Variants in PDIA3 observed in about 807,000 individuals in gnomAD.
PDIA3 encodes the protein protein disulfide isomerase family A member 3, also known as protein disulfide-isomerase A3.
A neutral mutation model predicts 56.9 loss-of-function variants in PDIA3; 16 were observed. The ratio of observed to expected loss-of-function variants is 0.28; its 90% CI spans 0.19 to 0.43. PDIA3 has a LOEUF of 0.43. PDIA3 is among the 20% of genes least tolerant of loss of function. PDIA3 has a pLI of 1.00. For synonymous variants in PDIA3, 192 were observed against 216.5 expected (o/e 0.89, Z 0.99); for missense variants, 485 against 621.3 (o/e 0.78, Z 2.33).
intron 1 of PDIA3, among the ~76,000 whole-genome samples, chr15:43,750,503 C>T (rs937857786): frequency 1.3e-5 from 2 of 151,460 alleles, no homozygotes; most frequent in African/African-American, 2.4e-5. Context: ...TGGCCGGGCA[C>T]GGTGGCTCAC....
chr15:43,765,892 G>T lies in PDIA3; in HGVS notation c.725G>T (p.Gly242Val), dbSNP rs2086844763. 6.2e-7 allele frequency: 1 copy of T among 1,607,326 alleles called. No individual in the cohort carries two copies. Among genetic ancestry groups the T allele is most frequent in the Non-Finnish European group, 8.5e-7 (1 of 1,178,222 alleles). ...IKKFIQENIFGICPHMTEDNK... is the reference protein window; with the variant it reads ...IKKFIQENIFVICPHMTEDNK... ...AATGGATTATTTCATTTCAGTTTTGGTATCTGCCCTCACATGACAGAAGAC... is the reference window on the plus strand; with the variant it reads ...AATGGATTATTTCATTTCAGTTTTGTTATCTGCCCTCACATGACAGAAGAC... The change falls in exon 7 of 13, where the codon GGT (glycine) becomes GTT (valine). Residue 242 changes from glycine to valine, a missense_variant. Physicochemically the swap from Gly to Val is moderately radical, Grantham distance 109. Coordinates refer to ENST00000300289, the MANE Select transcript of PDIA3 (RefSeq NM_005313.5).
At chr15:43,763,367 C>T (rs2086829244) in intron 5 of PDIA3, among the ~76,000 whole-genome samples, 161 bp downstream of exon 5, 1 of 152,190 alleles carries the variant, frequency 6.6e-6, no homozygotes, top group African/African-American at 2.4e-5. Flanking sequence ...ATTCTCGCGC[C>T]TCAACCTCCT....
intron 8 of PDIA3, among the ~76,000 whole-genome samples, chr15:43,767,808 T>G (rs2086857542): frequency 6.8e-6 from 1 of 147,878 alleles, no homozygotes; most frequent in African/African-American, 2.5e-5. Context: ...ATAGATAAGA[T>G]TGGACAGCCT....
chr15:43,760,735 G>A (rs1310705844), intron 3 of PDIA3, among the ~76,000 whole-genome samples: 1 of 151,098 alleles, frequency 6.6e-6, no homozygotes, highest in Non-Finnish European at 1.5e-5. Flanking sequence ...GTTTCACCGT[G>A]TTAGCCAGGA....
Position 43,773,074 on chromosome 15 carries a change from T to A in PDIA3, c.*1856T>A. On this transcript the variant is annotated 3_prime_UTR_variant, in exon 13 of 13. Transcript: ENST00000300289. ...TTAGTTTATAGCTGCTTTGTTCCTT[T>A]GTGTTTCACTAAGCAGAGGCTCAAA... The A allele has an allele frequency of 1.3e-6, 2 of 1,519,750 alleles. No homozygotes were observed. Among genetic ancestry groups the A allele is most frequent in the South Asian group, 1.2e-5 (1 of 80,586 alleles). The allele number at this position is 1,519,750 out of a possible 1,614,324, so 94.1% of individuals were successfully genotyped here.
At chr15:43,768,662 C>A in intron 9 of PDIA3, 65 bp downstream of exon 9, 2 of 1,069,180 alleles carry the variant, frequency 1.9e-6, no homozygotes, top group Non-Finnish European at 1.4e-6. Flanking sequence ...TGTTCCAAAA[C>A]TGTGGGGTCT....
At chr15:43,758,336 G>C (rs1238823102) in intron 3 of PDIA3, among the ~76,000 whole-genome samples, 1 of 152,032 alleles carries the variant, frequency 6.6e-6, no homozygotes, top group Non-Finnish European at 1.5e-5. Context: ...CAACCACTAT[G>C]GAAAACACAG....
intron 12 of PDIA3, 138 bp from the exon 13 acceptor site, chr15:43,770,966 TA>T: frequency 1.6e-6 from 1 of 642,138 alleles, no homozygotes; most frequent in South Asian, 2.0e-5. Flanking sequence ...TTTATTTAAC[TA>T]AAATCTCTTT....
intron 4 of PDIA3, 110 bp downstream of exon 4, chr15:43,761,641 T>C (rs979890137): frequency 1.6e-6 from 1 of 612,316 alleles, no homozygotes; most frequent in Non-Finnish European, 3.0e-6. Context: ...CTTGGGGCAG[T>C]TGAGAAGGCA....
intron 5 of PDIA3, 29 bp downstream of exon 5, chr15:43,763,235 A>G (rs1567158257): frequency 6.2e-7 from 1 of 1,609,670 alleles, no homozygotes; most frequent in Admixed American, 1.7e-5. Context: ...TCTCCTGACC[A>G]AGTATTATTG....
intron 9 of PDIA3, 88 bp downstream of exon 9, chr15:43,768,685 C>A: frequency 1.2e-6 from 1 of 819,894 alleles, no homozygotes; most frequent in Admixed American, 2.3e-5. Context: ...ATGAAGACTT[C>A]GTTGGCCATC....
In PDIA3 at chr15:43,746,452, A is replaced by T; in HGVS notation, c.-88A>T. 2 of 1,289,158 alleles carry T rather than the reference A, an allele frequency of 1.6e-6. No individual in the cohort carries two copies. The highest frequency in any genetic ancestry group is 1.6e-5 in the South Asian group (1 of 61,680). The allele number at this position is 1,289,158 out of a possible 1,614,324, so 79.9% of individuals were successfully genotyped here. A position where few individuals can be genotyped will look rare whatever the true frequency, so the allele number is the denominator to read the frequency against. ...CCGCCTGGGCCAGACGCGCGAGCGC[A>T]AGCAGCGGGTTAGTGGTCGCGCGCC... is the stretch of plus-strand genomic sequence containing the variant. On this transcript the variant is annotated 5_prime_UTR_variant, in exon 1 of 13. Transcript: ENST00000300289.
At chr15:43,762,440 G>A (rs1400490767) in intron 4 of PDIA3, among the ~76,000 whole-genome samples, 1 of 151,840 alleles carries the variant, frequency 6.6e-6, no homozygotes, top group Admixed American at 6.6e-5. Flanking sequence ...GAACCCGGGA[G>A]GCGGAGGTTG....
In PDIA3 at chr15:43,746,448, G is replaced by C; in HGVS notation, c.-92G>C. 9 of 1,266,474 alleles carry C rather than the reference G, an allele frequency of 7.1e-6. No homozygotes were observed. The highest frequency in any genetic ancestry group is 9.4e-6 in the Non-Finnish European group (9 of 961,808). 78.5% of individuals were successfully genotyped at this position (1,266,474 alleles called of 1,614,324 possible). On this transcript the variant is annotated 5_prime_UTR_variant, in exon 1 of 13. Coordinates refer to ENST00000300289, the MANE Select transcript of PDIA3 (RefSeq NM_005313.5). ...AGGTCCGCCTGGGCCAGACGCGCGA[G>C]CGCAAGCAGCGGGTTAGTGGTCGCG...
chr15:43,771,852 A>C lies in PDIA3; in HGVS notation c.*634A>C. The C allele has an allele frequency of 2.6e-6, 1 of 379,158 alleles. No individual in the cohort carries two copies. The highest frequency in any genetic ancestry group is 4.7e-6 in the Non-Finnish European group (1 of 214,206). The allele number at this position is 379,158 out of a possible 1,614,324, so 23.5% of individuals were successfully genotyped here. On this transcript the variant is annotated 3_prime_UTR_variant, in exon 13 of 13. Transcript: ENST00000300289. Reference sequence around the variant, plus strand: ...ATTTCCCAGGCCTACCCTGGTGATTAGAACAGCTGAAGGGCCTTTCTTGTT... The same window carrying C: ...ATTTCCCAGGCCTACCCTGGTGATTCGAACAGCTGAAGGGCCTTTCTTGTT...
At chr15:43,749,981 C>T (rs2086733090) in intron 1 of PDIA3, among the ~76,000 whole-genome samples, 1 of 150,612 alleles carries the variant, frequency 6.6e-6, no homozygotes, top group Non-Finnish European at 1.5e-5. Context: ...TTTTTTTAAC[C>T]TTATTCTCGT....
chr15:43,748,527 A>T (rs534661947), intron 1 of PDIA3, among the ~76,000 whole-genome samples: 1 of 152,004 alleles, frequency 6.6e-6, no homozygotes, highest in East Asian at 1.9e-4. Context: ...GGTGTTTCCT[A>T]CTTTAAATTG....
intron 8 of PDIA3, among the ~76,000 whole-genome samples, chr15:43,767,769 C>CAAAAAAAA (rs11294471): frequency 4.1e-5 from 3 of 73,460 alleles, no homozygotes; most frequent in African/African-American, 5.3e-5. Context: ...GACTCTGTCT[C>CAAAAAAAA]AAAAAAAAAA....
chr15:43,773,098 A>G lies in PDIA3; in HGVS notation c.*1880A>G, dbSNP rs181267189. ...TTGTGTTTCACTAAGCAGAGGCTCA[A>G]AAATTCCCTTGATAACTTCAGCTGC... is the stretch of plus-strand genomic sequence containing the variant. On this transcript the variant is annotated 3_prime_UTR_variant, in exon 13 of 13. Transcript: ENST00000300289. The G allele has an allele frequency of 1.1e-5, 18 of 1,581,496 alleles. No individual in the cohort carries two copies. Among genetic ancestry groups the G allele is most frequent in the Non-Finnish European group, 1.5e-5 (18 of 1,168,216 alleles).
Sources: gnomAD v4.1 joint callset for allele counts (sites outside exome capture counted in the v4.1 genomes callset) on GRCh38, gnomAD v4.1.1 for gene constraint, MANE v1.5 for transcripts, NCBI Gene and HGNC (gene_info 2026-07-23, HGNC 2026-07-21) for gene names.